TTC34: variants seen among roughly 807,000 people sequenced by gnomAD.
TTC34 encodes tetratricopeptide repeat domain 34, also known as tetratricopeptide repeat protein 34.
A neutral mutation model predicts 40.7 loss-of-function variants in TTC34; 44 were observed. The observed-to-expected ratio is 1.08, with a 90% CI of 0.85 to 1.39. TTC34 has a LOEUF of 1.39. Among genes scored for constraint, TTC34 ranks in the 40% most tolerant of loss-of-function variants. TTC34 has a pLI of 0.00. For synonymous variants in TTC34, 422 were observed against 398.6 expected, an observed-to-expected ratio of 1.06 and a Z score of -0.70; for missense variants, 884 against 838.0, an observed-to-expected ratio of 1.05 and a Z score of -0.68.
exon 9 of TTC34, chr1:2,638,095 G>C (rs1638826421): frequency 6.6e-6 from 1 of 151,968 alleles, no homozygotes; most frequent in South Asian, 2.1e-4. Context: ...AAGCTTACCT[G>C]GCCAGGTGCC....
chr1:2,693,302 C>A (rs544765960), intron 6 of TTC34, among the ~76,000 whole-genome samples: 1,575 of 47,638 alleles, frequency 0.033, 5 homozygotes, highest in Middle Eastern at 0.089. Context: ...AACTGCACCC[C>A]CATGCCCAGG....
intron 5 of TTC34, among the ~76,000 whole-genome samples, chr1:2,785,555 G>A (rs866109539): frequency 1.8e-4 from 27 of 152,294 alleles, no homozygotes; most frequent in African/African-American, 4.6e-4. Flanking sequence ...GTGCTGGGAC[G>A]GCAGCTCAGG....
chr1:2,783,424 T>G (rs2100620328), intron 6 of TTC34, among the ~76,000 whole-genome samples, 185 bp downstream of exon 6: 1 of 152,234 alleles, frequency 6.6e-6, no homozygotes, highest in African/African-American at 2.4e-5. Context: ...TCCCAGAAAC[T>G]GGGTTTGTGG....
At chr1:2,651,556 A>G (rs116047675) in intron 6 of TTC34, among the ~76,000 whole-genome samples, 3,393 of 150,812 alleles carry the variant, frequency 0.022, 134 homozygotes, top group African/African-American at 0.079. Flanking sequence ...CAGCACTTCA[A>G]TCTTCAGCTG....
rs1044929693 is a variant in TTC34, at chr1:2,645,510, G to C, written c.2280C>G (p.Val760=). 2.4e-6 allele frequency: 3 copies of C among 1,265,218 alleles called. No individual in the cohort carries two copies. In the African/African-American group the frequency reaches 4.9e-5, roughly 21 times the overall value. 78.4% of individuals were successfully genotyped at this position (1,265,218 alleles called of 1,614,324 possible). Residue 760 remains valine, a synonymous_variant, in exon 7 of 9, where the codon GTC becomes GTG. Coordinates refer to ENST00000401095, the Ensembl canonical transcript of TTC34. This position sits in a 1 kb window ranked among gnomAD's most constrained non-coding sequence, Gnocchi z 4.7. ...CCGGCTTCAGAGAGCGGAGCTCAGG[G>C]ACCACAGTCCCGGGGCCGAGCTTCA...
intron 6 of TTC34, among the ~76,000 whole-genome samples, chr1:2,778,826 GT>G (rs1298165312): frequency 3.9e-5 from 6 of 152,124 alleles, no homozygotes; most frequent in Non-Finnish European, 8.8e-5. Context: ...CATTCATCAT[GT>G]TGTGTGGCCG....
chr1:2,797,730 G>T lies in TTC34; in HGVS notation c.784+2314C>A, dbSNP rs554295311. Among the ~76,000 whole-genome samples, 74 of 152,170 alleles carry T rather than the reference G, an allele frequency of 4.9e-4. No homozygotes were observed. In the South Asian group the frequency reaches 7.3e-3, roughly 15 times the overall value. On this transcript the variant is annotated intron_variant, in intron 2 of 8. Transcript: ENST00000401095. ...CTGGGTGCTCCTCCAGAAGGAAGAG[G>T]CAGTGAAGGGACCGGGCAGGAGCAG...
At chr1:2,755,822 A>ACC (rs1641486623) in intron 6 of TTC34, among the ~76,000 whole-genome samples, 1 of 104,382 alleles carries the variant, frequency 9.6e-6, no homozygotes, top group African/African-American at 5.0e-5. Context: ...CAGCACCCAC[A>ACC]ACCACAGGTG....
At chr1:2,683,907 C>T (rs1326802783) in intron 6 of TTC34, among the ~76,000 whole-genome samples, 1 of 148,690 alleles carries the variant, frequency 6.7e-6, no homozygotes, top group African/African-American at 2.6e-5. Context: ...TGGGTCGGCA[C>T]CCACACCTCC....
intron 2 of TTC34, among the ~76,000 whole-genome samples, chr1:2,793,332 T>A (rs1016290883): frequency 6.6e-6 from 1 of 152,234 alleles, no homozygotes; most frequent in Non-Finnish European, 1.5e-5. Context: ...AAGTCTTGTA[T>A]TGAATTTTTT....
Position 2,796,124 on chromosome 1 carries a change from C to CAA in TTC34, c.784+3919_784+3920insTT, listed in dbSNP as rs1369613064. Among the ~76,000 whole-genome samples the CAA allele has an allele frequency of 6.6e-6, 1 of 152,124 alleles. No homozygotes were observed. The highest frequency in any genetic ancestry group is 1.5e-5 in the Non-Finnish European group (1 of 68,016). Reference sequence around the variant, plus strand: ...GCATTCAAGGCGCCATCTTGGAATCCGAATCCCCAAGCCTGTTGGGGCCTT... The same window carrying CAA: ...GCATTCAAGGCGCCATCTTGGAATCCAAGAATCCCCAAGCCTGTTGGGGCCTT... On this transcript the variant is annotated intron_variant, in intron 2 of 8. Coordinates refer to ENST00000401095, the Ensembl canonical transcript of TTC34. This position sits in a 1 kb window ranked among gnomAD's most constrained non-coding sequence, Gnocchi z 4.5.
At position 2,681,636 on chromosome 1, in the gene TTC34, C is replaced by T. The variant is rs1362778035; in HGVS notation, c.2227-36073G>A. On this transcript the variant is annotated intron_variant, in intron 6 of 8. Coordinates refer to ENST00000401095, the Ensembl canonical transcript of TTC34. ...GAACCGCAGCCACACCCCCAGCGAGCACCTGACAGCCTGGAGCAGCATCCA... is the reference window on the plus strand; with the variant it reads ...GAACCGCAGCCACACCCCCAGCGAGTACCTGACAGCCTGGAGCAGCATCCA... 2.7e-5 allele frequency among the ~76,000 whole-genome samples: 2 copies of T among 74,174 alleles called. 1 individual carries two copies. The highest frequency in any genetic ancestry group is 6.4e-5 in the Non-Finnish European group (2 of 31,240). The allele number at this position is 74,174 out of a possible 152,430, so 48.7% of individuals were successfully genotyped here. A position where few individuals can be genotyped will look rare whatever the true frequency, so the allele number is the denominator to read the frequency against.
At chr1:2,658,904 A>AC in intron 6 of TTC34, among the ~76,000 whole-genome samples, 1 of 105,448 alleles carries the variant, frequency 9.5e-6, no homozygotes, top group Non-Finnish European at 2.3e-5. Context: ...CAGCACTCAC[A>AC]CCCCCAGGAG....
intron 6 of TTC34, among the ~76,000 whole-genome samples, chr1:2,759,600 GC>G (rs1641624257): frequency 8.9e-5 from 5 of 56,266 alleles, no homozygotes; most frequent in Admixed American, 8.2e-4. Flanking sequence ...CACCCACACC[GC>G]CAGGCGAGCA....
chr1:2,642,708 CT>C (rs1373101760), intron 8 of TTC34, among the ~76,000 whole-genome samples: 1 of 152,276 alleles, frequency 6.6e-6, no homozygotes, highest in Non-Finnish European at 1.5e-5. Flanking sequence ...CTGGCGCTGC[CT>C]CTCTTCCAGC....
chr1:2,786,048 C>T (rs1643584002), intron 4 of TTC34, 25 bp from the exon 5 acceptor site: 10 of 1,443,712 alleles, frequency 6.9e-6, no homozygotes, highest in Non-Finnish European at 7.3e-6. Context: ...CAGTCACTGC[C>T]CATGCCCTTG....
At chr1:2,756,667 C>G (rs1269963955) in intron 6 of TTC34, among the ~76,000 whole-genome samples, 59 of 11,220 alleles carry the variant, frequency 5.3e-3, no homozygotes, top group African/African-American at 0.02. Context: ...GCACCCACAC[C>G]CCCAGGTGAG....
rs1259756905 is a variant in TTC34, at chr1:2,688,575, C to T, written c.2227-43012G>A. Among the ~76,000 whole-genome samples, 38 of 98,184 alleles carry T rather than the reference C, an allele frequency of 3.9e-4. 1 individual carries two copies. The Middle Eastern group carries it at 0.026, about 67-fold the overall frequency. The allele number at this position is 98,184 out of a possible 152,430, so 64.4% of individuals were successfully genotyped here. ...CCCACGGAGCAGCACCCACACCTTC[C>T]GGCGCGCATCCGACAGCCTGGAGCA... On this transcript the variant is annotated intron_variant, in intron 6 of 8. Transcript: ENST00000401095.
chr1:2,760,968 A>AG lies in TTC34; in HGVS notation c.2226+22640dup, dbSNP rs1305879909. On this transcript the variant is annotated intron_variant, in intron 6 of 8. Transcript: ENST00000401095. ...AGCCTGGAGCAGCGTCCACACCCCC[A>AG]GGTGAGCATCTGATAGCCTGGAGCA... is the stretch of plus-strand genomic sequence containing the variant. Among the ~76,000 whole-genome samples the AG allele has an allele frequency of 9.0e-5, 6 of 66,868 alleles. 3 individuals are homozygous for AG. The highest frequency in any genetic ancestry group is 7.9e-4 in the African/African-American group (6 of 7,636). The allele number at this position is 66,868 out of a possible 152,430, so 43.9% of individuals were successfully genotyped here. A position where few individuals can be genotyped will look rare whatever the true frequency, so the allele number is the denominator to read the frequency against.
Sources: gnomAD v4.1 joint callset for allele counts (sites outside exome capture counted in the v4.1 genomes callset) on GRCh38, gnomAD v4.1.1 for gene constraint, Gnocchi (gnomAD v3.1) non-coding constraint, MANE v1.5 for transcripts, NCBI Gene and HGNC (gene_info 2026-07-23, HGNC 2026-07-21) for gene names.